The following IDO2 variants were observed in gnomAD, a reference collection of about 807,000 sequenced individuals.
IDO2 encodes indoleamine 2,3-dioxygenase-like 1 protein.
A neutral mutation model predicts 45.1 loss-of-function variants in IDO2; 46 were observed. That is an observed-to-expected ratio of 1.02 (90% CI 0.80 to 1.30). The LOEUF (loss-of-function observed/expected upper bound fraction) is 1.30, where lower values mean the gene tolerates loss of function less well. Ranked by LOEUF, IDO2 falls within the 50% of genes most tolerant of loss-of-function variation. The probability of loss-of-function intolerance (pLI) is 0.00; values close to 1 mark genes in which losing one functional copy is unlikely to be tolerated. For synonymous variants in IDO2, 218 were observed against 184.9 expected, an observed-to-expected ratio of 1.18 and a Z score of -1.45; for missense variants, 544 against 491.8, an observed-to-expected ratio of 1.11 and a Z score of -1.00.
At chr8:39,963,277 A>G (rs990267828) in intron 2 of IDO2, among the ~76,000 whole-genome samples, 6 of 152,324 alleles carry the variant, frequency 3.9e-5, no homozygotes, top group Admixed American at 3.3e-4. Flanking sequence ...TGAATATTTC[A>G]CTTTAATTCC....
At chr8:39,977,853 A>G (rs1808285094) in intron 3 of IDO2, among the ~76,000 whole-genome samples, 1 of 152,210 alleles carries the variant, frequency 6.6e-6, no homozygotes, top group Admixed American at 6.5e-5. Context: ...TATGGGGTAC[A>G]TGAGATGTTT....
chr8:39,941,594 A>G (rs145453331), intron 1 of IDO2, among the ~76,000 whole-genome samples: 55 of 152,308 alleles, frequency 3.6e-4, no homozygotes, highest in African/African-American at 1.3e-3. Flanking sequence ...GGAACAAGAA[A>G]AGTCAAGATC....
intron 3 of IDO2, among the ~76,000 whole-genome samples, chr8:39,977,384 G>C (rs1388323672): frequency 2.0e-5 from 3 of 152,230 alleles, no homozygotes. Context: ...CCTGGTTCTT[G>C]TTAAAAAGCA....
Position 39,949,206 on chromosome 8 carries a change from T to A in IDO2, c.41T>A (p.Leu14Ter). ...CCGAATGTGAAGACAGCAGTGCCATTGTCTTTGGAAAGCTATCACATATCT... is the reference window on the plus strand; with the variant it reads ...CCGAATGTGAAGACAGCAGTGCCATAGTCTTTGGAAAGCTATCACATATCT... The change falls in exon 2 of 11, where the codon TTG (leucine) becomes TAG (stop). Residue 14 changes from leucine to a stop codon, truncating the protein, a stop_gained. Transcript: ENST00000502986. LOFTEE classifies it high-confidence loss of function. 1 of 1,608,264 alleles carries A rather than the reference T, an allele frequency of 6.2e-7. No individual in the cohort carries two copies.
chr8:39,980,669 G>A (rs757957646), intron 4 of IDO2, among the ~76,000 whole-genome samples: 1 of 152,100 alleles, frequency 6.6e-6, no homozygotes, highest in Non-Finnish European at 1.5e-5. Flanking sequence ...CTTGTCTCTC[G>A]GGGAAACACA....
intron 8 of IDO2, among the ~76,000 whole-genome samples, chr8:39,993,999 T>C (rs984762389): frequency 6.6e-6 from 1 of 151,990 alleles, no homozygotes; most frequent in Non-Finnish European, 1.5e-5. Context: ...AGAGTGAGAC[T>C]CTGTCCCCAA....
Position 40,013,550 on chromosome 8 carries a change from T to C in IDO2, c.720-15T>C, listed in dbSNP as rs1424682469. 6.2e-7 allele frequency: 1 copy of C among 1,608,700 alleles called. No homozygotes were observed. The highest frequency in any genetic ancestry group is 1.7e-5 in the Admixed American group (1 of 59,038). ...CCTGCACCCCTTTCATCTCTCTCAC[T>C]TTTCTCTTGCTTAGATGGAAAGACA... On this transcript the variant is annotated splice_polypyrimidine_tract_variant and intron_variant, in intron 9 of 10. Coordinates refer to ENST00000502986, the Ensembl canonical transcript of IDO2.
At chr8:39,955,688 A>T (rs1183095337) in intron 2 of IDO2, among the ~76,000 whole-genome samples, 1 of 152,188 alleles carries the variant, frequency 6.6e-6, no homozygotes, top group African/African-American at 2.4e-5. Flanking sequence ...ACAAAGAAAT[A>T]AAAAAGAAGA....
At chr8:40,016,110 G>C (rs573031326) in exon 11 of IDO2, 1 of 393,186 alleles carries the variant, frequency 2.5e-6, no homozygotes, top group South Asian at 1.3e-4. Context: ...TGCTCCAGTG[G>C]AGATGGGAAG....
intron 5 of IDO2, 69 bp downstream of exon 5, chr8:39,982,839 T>A: frequency 9.8e-7 from 1 of 1,019,848 alleles, no homozygotes; most frequent in Non-Finnish European, 1.4e-6. Context: ...CTTTTTTTTA[T>A]AATTAGGGAA....
chr8:39,972,708 G>A (rs1027499149), intron 3 of IDO2, among the ~76,000 whole-genome samples: 1 of 148,968 alleles, frequency 6.7e-6, no homozygotes, highest in Admixed American at 6.7e-5. Flanking sequence ...GAAAGGAAGA[G>A]TCAATTGATG....
intron 2 of IDO2, among the ~76,000 whole-genome samples, chr8:39,960,870 C>A (rs1207736739): frequency 3.3e-5 from 5 of 152,180 alleles, no homozygotes. Context: ...GCAAGCTCCA[C>A]CTCCCGGGTT....
At chr8:39,961,893 T>C (rs146320182) in intron 2 of IDO2, among the ~76,000 whole-genome samples, 1 of 152,334 alleles carries the variant, frequency 6.6e-6, no homozygotes, top group African/African-American at 2.4e-5. Flanking sequence ...GTGCAGGTTA[T>C]GCACTGAGAA....
chr8:39,975,466 A>G (rs1233369876), intron 3 of IDO2, among the ~76,000 whole-genome samples: 3 of 152,188 alleles, frequency 2.0e-5, no homozygotes, highest in Non-Finnish European at 4.4e-5. Context: ...CCAAATAAAA[A>G]ACAATGTTCA....
At chr8:39,987,929 G>T in exon 7 of IDO2, 2 of 1,611,738 alleles carry the variant, frequency 1.2e-6, no homozygotes, top group Non-Finnish European at 1.7e-6. Context: ...TTTTATACTG[G>T]TGACTGCTTT....
Sources: gnomAD v4.1 joint callset for allele counts (sites outside exome capture counted in the v4.1 genomes callset) on GRCh38, gnomAD v4.1.1 for gene constraint, MANE v1.5 for transcripts, NCBI Gene and HGNC (gene_info 2026-07-23, HGNC 2026-07-21) for gene names.